DOCK4: variants seen among roughly 807,000 people sequenced by gnomAD.
The protein encoded by DOCK4 is dedicator of cytokinesis 4.
Under a neutral mutation model 268.1 loss-of-function variants are expected in DOCK4, and 97 were observed. The observed-to-expected ratio is 0.36, with a 90% CI of 0.31 to 0.43. DOCK4 has a LOEUF of 0.43. Among genes scored for constraint, DOCK4 ranks in the 20% least tolerant of loss-of-function variants. The probability of loss-of-function intolerance (pLI) is 1.00; values close to 1 mark genes in which losing one functional copy is unlikely to be tolerated. For synonymous variants in DOCK4, 954 were observed against 887.2 expected (o/e 1.08, Z -1.34); for missense variants, 2,145 against 2,455.7 (o/e 0.87, Z 2.67).
chr7:111,741,937 G>A (rs1795945851), intron 45 of DOCK4, 76 bp downstream of exon 45: 1 of 1,493,982 alleles, frequency 6.7e-7, no homozygotes. Flanking sequence ...TGTCACTATT[G>A]GATACATCAT....
intron 3 of DOCK4, 43 bp downstream of exon 3, chr7:112,000,448 TTTC>T: frequency 8.7e-7 from 1 of 1,144,378 alleles, no homozygotes; most frequent in Non-Finnish European, 1.2e-6. Context: ...AATAACTATC[TTTC>T]TTAATAAATT....
At chr7:111,846,836 T>TA (rs1804148532) in intron 24 of DOCK4, among the ~76,000 whole-genome samples, 163 bp downstream of exon 24, 2 of 152,164 alleles carry the variant, frequency 1.3e-5, no homozygotes, top group African/African-American at 2.4e-5. Context: ...CCCACAAGGT[T>TA]AAAAAAATTC....
At chr7:111,770,510 A>G (rs891337004) in intron 36 of DOCK4, among the ~76,000 whole-genome samples, 43 of 152,202 alleles carry the variant, frequency 2.8e-4, no homozygotes, top group African/African-American at 1.0e-3. Flanking sequence ...AAGGTGACCT[A>G]TGGATTTAAG....
At chr7:112,114,683 G>A (rs1811963498) in intron 1 of DOCK4, among the ~76,000 whole-genome samples, 2 of 152,152 alleles carry the variant, frequency 1.3e-5, no homozygotes, top group South Asian at 2.1e-4. Context: ...ATGTGAACCC[G>A]AGGGACTGAG....
chr7:111,826,740 G>A (rs1394107495), intron 26 of DOCK4, among the ~76,000 whole-genome samples: 1 of 152,080 alleles, frequency 6.6e-6, no homozygotes, highest in Non-Finnish European at 1.5e-5. Flanking sequence ...AAGGGAGGGA[G>A]GGAGAAAGAA....
intron 2 of DOCK4, among the ~76,000 whole-genome samples, chr7:112,001,243 A>G (rs1041479101): frequency 6.6e-6 from 1 of 152,166 alleles, no homozygotes; most frequent in Non-Finnish European, 1.5e-5. Flanking sequence ...TCAGTTACTC[A>G]TGGTCAACCT....
intron 35 of DOCK4, among the ~76,000 whole-genome samples, chr7:111,779,365 C>T (rs1424547379): frequency 6.6e-6 from 1 of 151,840 alleles, no homozygotes; most frequent in Non-Finnish European, 1.5e-5. Context: ...ATGTTTTTAC[C>T]AAAACTCAAC....
intron 30 of DOCK4, chr7:111,801,704 T>A (rs1257916122): frequency 7.0e-6 from 1 of 143,182 alleles, no homozygotes; most frequent in African/African-American, 2.8e-5. Context: ...TTTTTTTTTT[T>A]TTTGAGACAG....
rs142362054 is a variant in DOCK4 at position 112,120,743 on chromosome 7, A to C, written c.37+85359T>G. Among the ~76,000 whole-genome samples, 156 of 152,348 alleles carry C rather than the reference A, an allele frequency of 1.0e-3. 1 individual carries two copies. Among genetic ancestry groups the C allele is most frequent in the African/African-American group, 3.7e-3 (152 of 41,572 alleles). ...TATAAAATTGCAAATCTTTCCTTCCAGGCTCATAAGCAATATATCTACTGA... is the reference window on the plus strand; with the variant it reads ...TATAAAATTGCAAATCTTTCCTTCCCGGCTCATAAGCAATATATCTACTGA... On this transcript the variant is annotated intron_variant, in intron 1 of 52. Transcript: ENST00000428084.
At chr7:112,148,515 A>G (rs1815730643) in intron 1 of DOCK4, among the ~76,000 whole-genome samples, 1 of 152,194 alleles carries the variant, frequency 6.6e-6, no homozygotes, top group South Asian at 2.1e-4. Context: ...TCCATTAATA[A>G]CACTGAATAA....
intron 16 of DOCK4, among the ~76,000 whole-genome samples, chr7:111,882,243 A>G (rs1200140113): frequency 1.3e-5 from 2 of 152,158 alleles, no homozygotes; most frequent in Non-Finnish European, 1.5e-5. Flanking sequence ...GAAAAATTGT[A>G]TAGTGTATTA....
intron 1 of DOCK4, among the ~76,000 whole-genome samples, chr7:112,036,987 GAA>G (rs1224765676): frequency 2.0e-5 from 3 of 152,122 alleles, no homozygotes; most frequent in Non-Finnish European, 4.4e-5. Context: ...TACATGATGT[GAA>G]AGCAATACAC....
intron 15 of DOCK4, among the ~76,000 whole-genome samples, chr7:111,896,609 G>A (rs1157968837): frequency 1.3e-5 from 2 of 151,814 alleles, no homozygotes; most frequent in African/African-American, 4.8e-5. Flanking sequence ...AGCCTGTTAA[G>A]GGCTGGATGG....
chr7:111,909,914 A>T (rs1004319863), intron 13 of DOCK4, among the ~76,000 whole-genome samples: 1 of 151,380 alleles, frequency 6.6e-6, no homozygotes, highest in African/African-American at 2.4e-5. Flanking sequence ...GTGAGCCATG[A>T]TTGTACTACT....
At position 111,732,301 on chromosome 7, in the gene DOCK4, G is replaced by C; in HGVS notation, c.5420-14C>G. 1.2e-6 allele frequency: 2 copies of C among 1,613,696 alleles called. No homozygotes were observed. Among genetic ancestry groups the C allele is most frequent in the African/African-American group, 1.3e-5 (1 of 75,016 alleles). ...TTGCTGGTGAAGCTGTCAATGGGGAGAGAGATAACATTTCAATTAAGAAAA... is the reference window on the plus strand; with the variant it reads ...TTGCTGGTGAAGCTGTCAATGGGGACAGAGATAACATTTCAATTAAGAAAA... On this transcript the variant is annotated splice_polypyrimidine_tract_variant and intron_variant, in intron 51 of 52. Coordinates refer to ENST00000428084, the MANE Select transcript of DOCK4 (RefSeq NM_001363540.2).
At chr7:111,824,823 AT>A (rs1275403731) in intron 26 of DOCK4, among the ~76,000 whole-genome samples, 1 of 152,226 alleles carries the variant, frequency 6.6e-6, no homozygotes, top group Admixed American at 6.5e-5. Context: ...CTGTGGCAGC[AT>A]GTGACATTGC....
At chr7:112,166,393 G>A (rs771625858) in intron 1 of DOCK4, among the ~76,000 whole-genome samples, 4 of 152,082 alleles carry the variant, frequency 2.6e-5, no homozygotes, top group African/African-American at 4.8e-5. Flanking sequence ...TCTATGCCAC[G>A]AGCATATCCA....
At chr7:112,048,938 C>A (rs1004361858) in intron 1 of DOCK4, among the ~76,000 whole-genome samples, 2 of 152,006 alleles carry the variant, frequency 1.3e-5, no homozygotes, top group African/African-American at 4.8e-5. Context: ...CTCCCCCTAC[C>A]TCCCCCAAAA....
chr7:112,193,985 A>C (rs151126875), intron 1 of DOCK4, among the ~76,000 whole-genome samples: 2 of 152,172 alleles, frequency 1.3e-5, no homozygotes, highest in African/African-American at 2.4e-5. Flanking sequence ...TCTTCTTATA[A>C]AGACACAAAT....
Sources: gnomAD v4.1 joint callset for allele counts (sites outside exome capture counted in the v4.1 genomes callset) on GRCh38, gnomAD v4.1.1 for gene constraint, MANE v1.5 for transcripts, NCBI Gene and HGNC (gene_info 2026-07-23, HGNC 2026-07-21) for gene names.